CNTNAP2: variants seen among roughly 807,000 people sequenced by gnomAD.
The protein encoded by CNTNAP2 is contactin associated protein 2, also known as contactin-associated protein-like 2.
A neutral mutation model predicts 155.2 loss-of-function variants in CNTNAP2; 98 were observed. The ratio of observed to expected loss-of-function variants is 0.63; its 90% CI spans 0.54 to 0.75. The LOEUF (loss-of-function observed/expected upper bound fraction) is 0.75. Among genes scored for constraint, CNTNAP2 ranks in the 30% least tolerant of loss-of-function variants. The pLI is 0.00. For synonymous variants in CNTNAP2, 651 were observed against 631.2 expected, an observed-to-expected ratio of 1.03 and a Z score of -0.47; for missense variants, 1,727 against 1,688.1, an observed-to-expected ratio of 1.02 and a Z score of -0.40.
intron 21 of CNTNAP2, among the ~76,000 whole-genome samples, chr7:148,356,404 T>C (rs1585302086): frequency 6.6e-6 from 1 of 152,344 alleles, no homozygotes; most frequent in East Asian, 1.9e-4. Flanking sequence ...CTTCAGTCCA[T>C]GAACTCACAG....
intron 9 of CNTNAP2, among the ~76,000 whole-genome samples, chr7:147,395,169 A>G (rs1796792085): frequency 6.6e-6 from 1 of 152,032 alleles, no homozygotes; most frequent in Non-Finnish European, 1.5e-5. Flanking sequence ...AACAGGCAAT[A>G]GGGAATTAAG....
intron 15 of CNTNAP2, among the ~76,000 whole-genome samples, chr7:148,011,897 G>A (rs1802088323): frequency 6.6e-6 from 1 of 152,136 alleles, no homozygotes; most frequent in Admixed American, 6.5e-5. Flanking sequence ...CATTGAAGAT[G>A]TAGCCTTCAG....
chr7:148,345,087 G>T (rs1028517736), intron 21 of CNTNAP2, among the ~76,000 whole-genome samples: 2 of 152,168 alleles, frequency 1.3e-5, no homozygotes, highest in African/African-American at 4.8e-5. Context: ...GGCCAGTGGA[G>T]GGTCACTCAG....
At chr7:147,167,150 T>C (rs1802130357) in intron 8 of CNTNAP2, among the ~76,000 whole-genome samples, 1 of 152,130 alleles carries the variant, frequency 6.6e-6, no homozygotes, top group South Asian at 2.1e-4. Context: ...GTTAATATCA[T>C]TGATTCTTGT....
intron 9 of CNTNAP2, among the ~76,000 whole-genome samples, chr7:147,307,762 G>A (rs899615): frequency 0.16 from 24,115 of 151,906 alleles, 3,086 homozygotes; most frequent in East Asian, 0.7. Flanking sequence ...TTTTGAATTC[G>A]CTTTGATGTT....
chr7:147,658,451 G>A (rs1418821879), intron 13 of CNTNAP2, among the ~76,000 whole-genome samples: 5 of 152,196 alleles, frequency 3.3e-5, no homozygotes. Context: ...AACTGCTAAA[G>A]GGAGAGGAGG....
At position 147,884,739 on chromosome 7, in the gene CNTNAP2, A is replaced by AT. The variant is rs1264816592; in HGVS notation, c.2099-18822dup. Among the ~76,000 whole-genome samples, 4 of 152,178 alleles carry AT rather than the reference A, an allele frequency of 2.6e-5. No homozygotes were observed. In the East Asian group the frequency reaches 7.7e-4, roughly 29 times the overall value. On this transcript the variant is annotated intron_variant, in intron 13 of 23. Transcript: ENST00000361727. ...ATCTGCCACTTATTATTGTTATTGA[A>AT]TTTTCCGTCATCTTACTGCTCTTCT...
rs140120260 is a variant in CNTNAP2 at position 147,223,855 on chromosome 7, C to T, written c.1349-76286C>T. The stretch of plus-strand genomic sequence containing the variant: ...ACTTGGGAGGCCAAGGCAGAAGAAT[C>T]GCTTGAACCCAGAAGGCAAAGCTTG... On this transcript the variant is annotated intron_variant, in intron 8 of 23. Transcript: ENST00000361727. Among the ~76,000 whole-genome samples, 1,227 of 150,492 alleles carry T rather than the reference C, an allele frequency of 8.2e-3. 17 individuals carry two copies. The highest frequency in any genetic ancestry group is 0.028 in the African/African-American group (1,133 of 40,948).
intron 1 of CNTNAP2, among the ~76,000 whole-genome samples, chr7:146,662,168 C>T (rs1585030297): frequency 6.6e-6 from 1 of 151,324 alleles, no homozygotes. Context: ...CGGAGTCTTG[C>T]TCTTTGTCAC....
chr7:148,187,047 G>A, intron 18 of CNTNAP2, among the ~76,000 whole-genome samples: 1 of 151,756 alleles, frequency 6.6e-6, no homozygotes, highest in Admixed American at 6.6e-5. Flanking sequence ...TTCTGAAGAA[G>A]TTTCCCTTCT....
At chr7:147,978,211 A>G (rs943198645) in intron 15 of CNTNAP2, 4 of 569,140 alleles carry the variant, frequency 7.0e-6, no homozygotes, top group Non-Finnish European at 1.2e-5. Flanking sequence ...TCTTTCCTCT[A>G]TATTCATATG....
chr7:147,853,274 G>A (rs889803257), intron 13 of CNTNAP2, among the ~76,000 whole-genome samples: 1 of 152,184 alleles, frequency 6.6e-6, no homozygotes, highest in Non-Finnish European at 1.5e-5. Context: ...TTTAAAAGAA[G>A]TGCAGATTTA....
At chr7:148,026,104 T>G (rs946604251) in intron 15 of CNTNAP2, among the ~76,000 whole-genome samples, 1 of 152,122 alleles carries the variant, frequency 6.6e-6, no homozygotes, top group Non-Finnish European at 1.5e-5. Flanking sequence ...TTTACATCAC[T>G]GCCTTCCAGG....
chr7:148,340,612 C>T (rs1335967558), intron 21 of CNTNAP2, among the ~76,000 whole-genome samples: 2 of 152,200 alleles, frequency 1.3e-5, no homozygotes, highest in Non-Finnish European at 2.9e-5. Context: ...TTGCATAATA[C>T]CTAATCATCA....
intron 1 of CNTNAP2, among the ~76,000 whole-genome samples, chr7:146,446,461 G>A (rs1796403874): frequency 6.6e-6 from 1 of 152,088 alleles, no homozygotes; most frequent in Admixed American, 6.5e-5. Flanking sequence ...AACCAGACTA[G>A]CACTTTCTTC....
intron 20 of CNTNAP2, among the ~76,000 whole-genome samples, chr7:148,253,841 C>T (rs1796413367): frequency 6.6e-6 from 1 of 152,140 alleles, no homozygotes; most frequent in Non-Finnish European, 1.5e-5. Flanking sequence ...TATAGTCATC[C>T]CACAATATCC....
chr7:147,920,871 G>A (rs6948551), intron 14 of CNTNAP2, among the ~76,000 whole-genome samples: 1,855 of 145,126 alleles, frequency 0.013, 48 homozygotes, highest in African/African-American at 0.045. Flanking sequence ...GTGCGGTGGC[G>A]TGATCTCAGC....
intron 13 of CNTNAP2, among the ~76,000 whole-genome samples, chr7:147,880,854 GGTGTGTGT>G (rs71183032): frequency 0.051 from 7,276 of 143,088 alleles, 264 homozygotes; most frequent in African/African-American, 0.1. Context: ...ATTGGAGTTG[GGTGTGTGT>G]GTGTGTGTGT....
At chr7:146,241,492 T>G (rs1346939903) in intron 1 of CNTNAP2, among the ~76,000 whole-genome samples, 1 of 152,204 alleles carries the variant, frequency 6.6e-6, no homozygotes, top group Non-Finnish European at 1.5e-5. Flanking sequence ...TTTTCTTTCC[T>G]CTAGCCATCA....
Sources: gnomAD v4.1 joint callset for allele counts (sites outside exome capture counted in the v4.1 genomes callset) on GRCh38, gnomAD v4.1.1 for gene constraint, MANE v1.5 for transcripts, NCBI Gene and HGNC (gene_info 2026-07-23, HGNC 2026-07-21) for gene names.